Variants in ANO6 observed in about 807,000 individuals in gnomAD.
ANO6 encodes the protein anoctamin-6.
In ANO6, 106 loss-of-function variants were observed where a neutral mutation model predicts 117.5. That is an observed-to-expected ratio of 0.90 (90% CI 0.77 to 1.06). ANO6 has a LOEUF of 1.06. ANO6 is among the 50% of genes least tolerant of loss of function. The probability of loss-of-function intolerance (pLI) is 0.00; values close to 1 mark genes in which losing one functional copy is unlikely to be tolerated. For synonymous variants in ANO6, 367 were observed against 385.1 expected, an observed-to-expected ratio of 0.95 and a Z score of 0.55; for missense variants, 955 against 1,121.1, an observed-to-expected ratio of 0.85 and a Z score of 2.12.
chr12:45,246,850 C>T (rs933204227), intron 1 of ANO6, among the ~76,000 whole-genome samples: 9 of 151,712 alleles, frequency 5.9e-5, no homozygotes, highest in East Asian at 3.9e-4. Flanking sequence ...TTGCAACCTC[C>T]GCCTCCTGGG....
intron 2 of ANO6, among the ~76,000 whole-genome samples, chr12:45,321,065 T>G (rs537886567): frequency 6.6e-6 from 1 of 152,158 alleles, no homozygotes; most frequent in Non-Finnish European, 1.5e-5. Context: ...GTCTTAACTC[T>G]TTATCCAATT....
At chr12:45,334,175 A>G (rs1366770699) in intron 3 of ANO6, among the ~76,000 whole-genome samples, 1 of 152,098 alleles carries the variant, frequency 6.6e-6, no homozygotes, top group Non-Finnish European at 1.5e-5. Flanking sequence ...TAGATTTTAC[A>G]TGAGGATGAT....
At chr12:45,307,908 G>T (rs928490799) in intron 2 of ANO6, among the ~76,000 whole-genome samples, 3 of 152,094 alleles carry the variant, frequency 2.0e-5, no homozygotes, top group Non-Finnish European at 2.9e-5. Context: ...ATAGGGAAAA[G>T]ACCATGACAG....
intron 1 of ANO6, among the ~76,000 whole-genome samples, chr12:45,234,498 T>A (rs973759159): frequency 6.6e-6 from 1 of 152,232 alleles, no homozygotes; most frequent in Non-Finnish European, 1.5e-5. Flanking sequence ...TAGAGTGACC[T>A]ATCCAAATGA....
At chr12:45,413,449 A>G (rs919668767) in intron 16 of ANO6, among the ~76,000 whole-genome samples, 3 of 152,264 alleles carry the variant, frequency 2.0e-5, no homozygotes, top group African/African-American at 7.2e-5. Flanking sequence ...GCATGAAAAC[A>G]TCTGAAAGGC....
At chr12:45,428,951 T>A (rs1943569876) in intron 19 of ANO6, among the ~76,000 whole-genome samples, 154 bp from the exon 20 acceptor site, 1 of 152,228 alleles carries the variant, frequency 6.6e-6, no homozygotes, top group African/African-American at 2.4e-5. Context: ...GCCACACTGT[T>A]GATTAGACAC....
In ANO6 at chr12:45,265,598, G is replaced by A. The variant is rs534259337; in HGVS notation, c.71-36416G>A. ...GTATGATGCCTATTTTACAGATTAG[G>A]AAGCTGAGACTTTACCCAGCTGATC... On this transcript the variant is annotated intron_variant, in intron 1 of 19. Transcript: ENST00000320560. Among the ~76,000 whole-genome samples the A allele has an allele frequency of 7.2e-5, 11 of 152,236 alleles. No individual in the cohort carries two copies. The South Asian group carries it at 2.3e-3, about 32-fold the overall frequency.
At chr12:45,244,537 A>C (rs1592863565) in intron 1 of ANO6, among the ~76,000 whole-genome samples, 1 of 152,108 alleles carries the variant, frequency 6.6e-6, no homozygotes, top group Admixed American at 6.5e-5. Context: ...TATAGTTTTC[A>C]TTAGATTCTT....
At chr12:45,396,413 C>G (rs1390756355) in intron 12 of ANO6, among the ~76,000 whole-genome samples, 1 of 152,222 alleles carries the variant, frequency 6.6e-6, no homozygotes, top group Non-Finnish European at 1.5e-5. Flanking sequence ...AATGGCCATA[C>G]TGCCCAAAGT....
intron 7 of ANO6, among the ~76,000 whole-genome samples, chr12:45,355,830 T>G (rs1227844535): frequency 6.6e-6 from 1 of 152,164 alleles, no homozygotes; most frequent in Non-Finnish European, 1.5e-5. Flanking sequence ...GATGTTCCTG[T>G]CTGAAGTCTC....
At chr12:45,324,443 T>G (rs1940394169) in intron 2 of ANO6, among the ~76,000 whole-genome samples, 1 of 152,178 alleles carries the variant, frequency 6.6e-6, no homozygotes. Context: ...CTCTGATTTG[T>G]TTTTCTTCCT....
At chr12:45,337,918 G>T (rs1007317702) in intron 3 of ANO6, among the ~76,000 whole-genome samples, 4 of 151,896 alleles carry the variant, frequency 2.6e-5, no homozygotes, top group African/African-American at 9.7e-5. Flanking sequence ...AAATATAAAT[G>T]TTAGGAGGGA....
At chr12:45,374,959 T>C (rs1338687621) in intron 9 of ANO6, among the ~76,000 whole-genome samples, 1 of 151,268 alleles carries the variant, frequency 6.6e-6, no homozygotes, top group African/African-American at 2.4e-5. Context: ...AAAACCCCAT[T>C]GTCTCAGCCC....
intron 1 of ANO6, among the ~76,000 whole-genome samples, chr12:45,263,248 G>C (rs12815723): frequency 0.049 from 7,514 of 151,906 alleles, 447 homozygotes; most frequent in East Asian, 0.32. Context: ...GTCTTTCTCT[G>C]TCACCCAGGC....
downstream of ANO6, among the ~76,000 whole-genome samples, chr12:45,436,233 C>T (rs1322213413): frequency 6.6e-6 from 1 of 152,202 alleles, no homozygotes; most frequent in Non-Finnish European, 1.5e-5. Context: ...CTGCCTACAG[C>T]TTCCCCATGC....
intron 2 of ANO6, among the ~76,000 whole-genome samples, chr12:45,311,613 G>A (rs1939853459): frequency 6.6e-6 from 1 of 152,066 alleles, no homozygotes; most frequent in African/African-American, 2.4e-5. Flanking sequence ...ATTGCAAAAT[G>A]TAGCATTAAG....
rs537126179 is a variant in ANO6, at chr12:45,378,134, T to C, written c.1165+21T>C. The C allele has an allele frequency of 2.8e-5, 44 of 1,559,252 alleles. No homozygotes were observed. The East Asian group carries it at 5.0e-4, about 18-fold the overall frequency. ...ATGGGGTAAGTTTTTTTTTTTTTTT[T>C]CATGCACTCAATTTGATAGTATTAC... On this transcript the variant is annotated intron_variant, in intron 10 of 19. Coordinates refer to ENST00000320560, the MANE Select transcript of ANO6 (RefSeq NM_001025356.3).
chr12:45,237,766 C>A (rs1192468118), intron 1 of ANO6, among the ~76,000 whole-genome samples: 1 of 152,136 alleles, frequency 6.6e-6, no homozygotes, highest in Non-Finnish European at 1.5e-5. Context: ...TGAAGAAAGT[C>A]ATTGGTAGCT....
At chr12:45,363,768 A>G (rs2137495605) in intron 8 of ANO6, among the ~76,000 whole-genome samples, 1 of 152,292 alleles carries the variant, frequency 6.6e-6, no homozygotes, top group East Asian at 1.9e-4. Context: ...TAAGTCTCAC[A>G]AGATCTGATG....
Sources: allele counts gnomAD v4.1 joint callset (sites outside exome capture counted in the v4.1 genomes callset), GRCh38; gene constraint gnomAD v4.1.1; transcripts MANE v1.5; gene names NCBI Gene and HGNC (gene_info 2026-07-23, HGNC 2026-07-21).